The following THRA variants were observed in gnomAD, a reference collection of about 807,000 sequenced individuals.
The protein encoded by THRA is EAR-7.
In THRA, 13 loss-of-function variants were observed where a neutral mutation model predicts 45.0. The observed-to-expected ratio is 0.29, with a 90% CI of 0.19 to 0.46. The LOEUF (loss-of-function observed/expected upper bound fraction) is 0.46, where lower values mean the gene tolerates loss of function less well. THRA is among the 20% of genes least tolerant of loss of function. THRA has a pLI of 1.00. For synonymous variants in THRA, 195 were observed against 214.0 expected, an observed-to-expected ratio of 0.91 and a Z score of 0.78; for missense variants, 278 against 556.1, an observed-to-expected ratio of 0.50 and a Z score of 5.03.
At chr17:40,077,068 A>T in intron 3 of THRA, 130 bp downstream of exon 3, 2 of 947,940 alleles carry the variant, frequency 2.1e-6, no homozygotes, top group Non-Finnish European at 3.2e-6. Context: ...AGGGCTTGGG[A>T]TGGACTTGTC....
rs760917171 is a variant in THRA at position 40,077,542 on chromosome 17, G to T, written c.156G>T (p.Gln52His). The change falls in exon 4 of 9, where the codon CAG becomes CAT. Residue 52 changes from glutamine (Q) to histidine (H), a missense_variant. By Grantham distance (24) the Gln-to-His change is conservative (BLOSUM62 0). Around this residue, in one of 6 missense-constraint regions of THRA, gnomAD observed 20 missense variants for 65.2 expected, o/e 0.31. Coordinates refer to ENST00000450525, the MANE Select transcript of THRA (RefSeq NM_199334.5). ...CTAGTTACCTGGACAAAGACGAGCA[G>T]TGTGTCGTGTGTGGGGACAAGGCAA... Reference protein sequence around the residue: ...YIPSYLDKDEQCVVCGDKATG... With the variant: ...YIPSYLDKDEHCVVCGDKATG... The T allele has an allele frequency of 4.3e-6, 7 of 1,614,110 alleles. No homozygotes were observed. The highest frequency in any genetic ancestry group is 5.9e-6 in the Non-Finnish European group (7 of 1,179,998).
intron 5 of THRA, 134 bp downstream of exon 5, chr17:40,084,116 A>G: frequency 2.7e-6 from 3 of 1,114,224 alleles, no homozygotes; most frequent in Non-Finnish European, 3.7e-6. Flanking sequence ...CAGAATGTTC[A>G]GTGTCTTGGT....
chr17:40,064,771 A>G (rs1875777005), intron 1 of THRA, among the ~76,000 whole-genome samples: 2 of 152,176 alleles, frequency 1.3e-5, no homozygotes, highest in African/African-American at 4.8e-5. Flanking sequence ...GCTGCTCTGT[A>G]AATACTTGTT....
intron 7 of THRA, 124 bp from the exon 8 acceptor site, chr17:40,088,118 G>A (rs1987396618): frequency 1.5e-6 from 2 of 1,338,224 alleles, no homozygotes; most frequent in South Asian, 2.9e-5. Context: ...CCCAATACAA[G>A]GTCAGCCGTT....
chr17:40,072,274 C>G (rs952781541), intron 1 of THRA: 3 of 152,398 alleles, frequency 2.0e-5, no homozygotes, highest in Admixed American at 2.0e-4. Context: ...ACTGGTGTTC[C>G]CCGCCTGGCC....
intron 1 of THRA, among the ~76,000 whole-genome samples, chr17:40,070,169 G>C (rs1417849251): frequency 6.6e-6 from 1 of 151,998 alleles, no homozygotes; most frequent in African/African-American, 2.4e-5. Context: ...GTCTCCTGGG[G>C]GCCCAGTGAG....
At position 40,092,935 on chromosome 17, in the gene THRA, C is replaced by T. The variant is rs1021948508; in HGVS notation, c.*3479C>T. On this transcript the variant is annotated 3_prime_UTR_variant, in exon 9 of 9. Transcript: ENST00000450525. ...AGGGAGGCAGGTATTTACAAGAAGG[C>T]TCAGGGGGCCAGAGGCTCATCTTGG... The T allele has an allele frequency of 1.2e-5, 18 of 1,523,442 alleles. 1 individual carries two copies. Among genetic ancestry groups the T allele is most frequent in the Middle Eastern group, 4.5e-4 (2 of 4,436 alleles). 94.4% of individuals were successfully genotyped at this position (1,523,442 alleles called of 1,614,324 possible). A position where few individuals can be genotyped will look rare whatever the true frequency, so the allele number is the denominator to read the frequency against.
At chr17:40,073,323 G>A (rs1180597324) in intron 1 of THRA, among the ~76,000 whole-genome samples, 1 of 152,204 alleles carries the variant, frequency 6.6e-6, no homozygotes, top group Non-Finnish European at 1.5e-5. Context: ...TGGACTCCAG[G>A]TAGCAGAACA....
intron 7 of THRA, among the ~76,000 whole-genome samples, chr17:40,087,918 C>A (rs1415755314): frequency 6.6e-6 from 1 of 152,194 alleles, no homozygotes; most frequent in East Asian, 1.9e-4. Context: ...GCCACCACGC[C>A]CAACTAATTT....
chr17:40,093,646 A>G (rs1020956844), downstream of THRA: 10 of 657,830 alleles, frequency 1.5e-5, no homozygotes, highest in Admixed American at 2.9e-5. The surrounding 1 kb of genome is among the most constrained non-coding windows in gnomAD (Gnocchi z 5.9). Flanking sequence ...TGAGGCCCCA[A>G]CTCAAGTGTC....
intron 1 of THRA, among the ~76,000 whole-genome samples, chr17:40,067,729 A>G (rs1986622057): frequency 6.6e-6 from 1 of 152,166 alleles, no homozygotes; most frequent in South Asian, 2.1e-4. Context: ...TCTCAACTCT[A>G]GTTCTCGGCT....
intron 1 of THRA, among the ~76,000 whole-genome samples, chr17:40,065,484 CCT>C (rs1224992040): frequency 1.3e-5 from 2 of 151,988 alleles, no homozygotes; most frequent in African/African-American, 2.4e-5. Context: ...TCTGATTCTC[CCT>C]CTCTCTCTCC....
At position 40,091,462 on chromosome 17, in the gene THRA, T is replaced by TC. The variant is rs1344322377; in HGVS notation, c.*2007dup. The TC allele has an allele frequency of 6.6e-6, 1 of 152,466 alleles. No individual in the cohort carries two copies. The highest frequency in any genetic ancestry group is 1.5e-5 in the Non-Finnish European group (1 of 68,328). The allele number at this position is 152,466 out of a possible 1,614,324, so 9.4% of individuals were successfully genotyped here. A position where few individuals can be genotyped will look rare whatever the true frequency, so the allele number is the denominator to read the frequency against. ...GCTGTCTTTGTCTCTATCCTCTCTC[T>TC]CTCTCCTGGAGTACTGAATCCTGTA... is the stretch of plus-strand genomic sequence containing the variant. On this transcript the variant is annotated 3_prime_UTR_variant, in exon 9 of 9. Transcript: ENST00000450525.
Position 40,092,875 on chromosome 17 carries a change from TA to T in THRA, c.*3422del. 8.2e-7 allele frequency: 1 copy of T among 1,213,870 alleles called. No homozygotes were observed. The highest frequency in any genetic ancestry group is 1.1e-6 in the Non-Finnish European group (1 of 888,196). 75.2% of individuals were successfully genotyped at this position (1,213,870 alleles called of 1,614,324 possible). ...GGGTTGTGGGGGAGACAGAGTGGTT[TA>T]AATAGGGGAGGAGGGGAAGTTCGGT... On this transcript the variant is annotated 3_prime_UTR_variant, in exon 9 of 9. Transcript: ENST00000450525.
At chr17:40,080,356 G>A (rs903963225) in intron 4 of THRA, among the ~76,000 whole-genome samples, 3 of 151,088 alleles carry the variant, frequency 2.0e-5, no homozygotes, top group African/African-American at 7.3e-5. Context: ...TGTGAGCTGT[G>A]ATTAAGCCAT....
At chr17:40,080,776 G>A (rs1365917276) in intron 4 of THRA, among the ~76,000 whole-genome samples, 3 of 147,292 alleles carry the variant, frequency 2.0e-5, no homozygotes. Flanking sequence ...AGGCTGGAGT[G>A]CAGTGGCGCG....
At chr17:40,073,435 C>CT (rs1420743753) in intron 1 of THRA, among the ~76,000 whole-genome samples, 1 of 152,176 alleles carries the variant, frequency 6.6e-6, no homozygotes, top group African/African-American at 2.4e-5. Flanking sequence ...ACTCAGTTTC[C>CT]TCATCTGTGA....
intron 4 of THRA, 73 bp downstream of exon 4, chr17:40,077,681 G>A (rs1010734778): frequency 3.6e-5 from 44 of 1,218,996 alleles, no homozygotes; most frequent in African/African-American, 4.6e-5. Context: ...CCTAAAGCCC[G>A]CCTGTTAGGT....
Position 40,090,837 on chromosome 17 carries a change from CTCT to C in THRA, c.*1386_*1388del, listed in dbSNP as rs1987506036. Reference sequence around the variant, plus strand: ...CCCCTCTGCCCCGGGACCCCTTCCCCTCTTCTTTTCTCTAATTCAGGGACTTTG... The same window carrying C: ...CCCCTCTGCCCCGGGACCCCTTCCCCTCTTTTCTCTAATTCAGGGACTTTG... On this transcript the variant is annotated 3_prime_UTR_variant, in exon 9 of 9. Transcript: ENST00000450525. 6.6e-6 allele frequency: 1 copy of C among 152,350 alleles called. No homozygotes were observed. The highest frequency in any genetic ancestry group is 2.4e-5 in the African/African-American group (1 of 41,438). The allele number at this position is 152,350 out of a possible 1,614,324, so 9.4% of individuals were successfully genotyped here. A position where few individuals can be genotyped will look rare whatever the true frequency, so the allele number is the denominator to read the frequency against.
Sources: allele counts gnomAD v4.1 joint callset (sites outside exome capture counted in the v4.1 genomes callset), GRCh38; gene constraint gnomAD v4.1.1; regional missense constraint gnomAD v4.1.1; non-coding constraint Gnocchi (gnomAD v3.1); transcripts MANE v1.5; gene names NCBI Gene and HGNC (gene_info 2026-07-23, HGNC 2026-07-21).